FBXL22: variants seen among roughly 807,000 people sequenced by gnomAD.
FBXL22 encodes F-box and leucine-rich protein 22.
In FBXL22, 13 loss-of-function variants were observed where a neutral mutation model predicts 11.7. The ratio of observed to expected loss-of-function variants is 1.11; its 90% CI spans 0.73 to 1.77. The LOEUF (loss-of-function observed/expected upper bound fraction) is 1.77, where lower values mean the gene tolerates loss of function less well. FBXL22 is among the 40% of genes most tolerant of loss of function. The probability of loss-of-function intolerance (pLI) is 0.00; values close to 1 mark genes in which losing one functional copy is unlikely to be tolerated. For synonymous variants in FBXL22, 160 were observed against 144.1 expected (o/e 1.11, Z -0.79); for missense variants, 406 against 320.4 (o/e 1.27, Z -2.04).
In FBXL22 at chr15:63,597,425, G is replaced by A. The variant is rs1044460364; in HGVS notation, c.33G>A (p.Gln11=). Reference sequence around the variant, plus strand: ...CACTGCTCACCATGCACATAACCCAGCTCAACCGGGAGTGCCTGCTGCACC... The same window carrying A: ...CACTGCTCACCATGCACATAACCCAACTCAACCGGGAGTGCCTGCTGCACC... The part of the protein sequence containing the change: MWPLLTMHIT[Q]LNRECLLHLF... Residue 11 remains glutamine (Q), a synonymous_variant, in exon 1 of 2, where the codon CAG becomes CAA. Coordinates refer to ENST00000638704, the MANE Select transcript of FBXL22 (RefSeq NM_001367807.1). This position sits in a 1 kb window ranked among gnomAD's most constrained non-coding sequence, Gnocchi z 4.3. The A allele has an allele frequency of 3.3e-5, 54 of 1,613,090 alleles. No individual in the cohort carries two copies. Among genetic ancestry groups the A allele is most frequent in the Middle Eastern group, 1.6e-4 (1 of 6,080 alleles).
chr15:63,603,657 A>G (rs902545959), downstream of FBXL22, among the ~76,000 whole-genome samples: 1 of 152,248 alleles, frequency 6.6e-6, no homozygotes, highest in African/African-American at 2.4e-5. Context: ...ACAGGCAAGC[A>G]GCACCCTGTC....
chr15:63,600,363 T>A (rs1272845466), intron 1 of FBXL22: 5 of 1,100,834 alleles, frequency 4.5e-6, no homozygotes, highest in Non-Finnish European at 5.5e-6. Context: ...AAACAAAGAG[T>A]CAAGGGTTGT....
chr15:63,601,568 A>C (rs2067372841), downstream of FBXL22: 1 of 1,539,932 alleles, frequency 6.5e-7, no homozygotes. Context: ...GTGAAGCAGG[A>C]GGAGGGGAAG....
chr15:63,601,391 G>C, downstream of FBXL22: 4 of 1,600,688 alleles, frequency 2.5e-6, no homozygotes, highest in Non-Finnish European at 3.4e-6. Context: ...CGGTGGGGAG[G>C]ACCTGACCAC....
In FBXL22 at chr15:63,597,881, C is replaced by A; in HGVS notation, c.353+136C>A. On this transcript the variant is annotated intron_variant, in intron 1 of 1. Coordinates refer to ENST00000638704, the MANE Select transcript of FBXL22 (RefSeq NM_001367807.1). The surrounding 1 kb of genome is among the most constrained non-coding windows in gnomAD (Gnocchi z 4.3). The stretch of plus-strand genomic sequence containing the variant: ...CTCAAACTAGGCCCAAGGCAGACAT[C>A]CAGACCGCCCAAAGCAGGGTCCCCA... The A allele has an allele frequency of 1.3e-6, 1 of 743,594 alleles. No homozygotes were observed. Among genetic ancestry groups the A allele is most frequent in the Non-Finnish European group, 2.1e-6 (1 of 468,512 alleles). 46.1% of individuals were successfully genotyped at this position (743,594 alleles called of 1,614,324 possible).
downstream of FBXL22, chr15:63,601,829 A>C: frequency 8.4e-7 from 1 of 1,186,944 alleles, no homozygotes; most frequent in Non-Finnish European, 1.1e-6. Context: ...AACAAAAACA[A>C]AACCAGCAGC....
downstream of FBXL22, among the ~76,000 whole-genome samples, chr15:63,607,059 T>C (rs1223375936): frequency 3.1e-4 from 1 of 3,204 alleles, no homozygotes; most frequent in Non-Finnish European, 9.6e-4. Flanking sequence ...CACAGATGCT[T>C]TTTTTTTTTT....
chr15:63,600,762 G>T lies in FBXL22; in HGVS notation c.419G>T (p.Arg140Leu), dbSNP rs995060760. The T allele has an allele frequency of 4.1e-6, 5 of 1,231,324 alleles. No homozygotes were observed. The African/African-American group carries it at 4.7e-5, about 11-fold the overall frequency. 76.3% of individuals were successfully genotyped at this position (1,231,324 alleles called of 1,614,324 possible). A position where few individuals can be genotyped will look rare whatever the true frequency, so the allele number is the denominator to read the frequency against. The stretch of plus-strand genomic sequence containing the variant: ...CACGTTACCGACGACTGCCTGGCGC[G>T]CCTGCTGCGCTGCTGCCCACGCCTG... ...CGHVTDDCLA[R>L]LLRCCPRLRA... The change falls in exon 2 of 2, where the codon CGC becomes CTC. Residue 140 changes from arginine to leucine, a missense_variant. Transcript: ENST00000638704.
At chr15:63,599,993 G>A in intron 1 of FBXL22, 1 of 985,830 alleles carries the variant, frequency 1.0e-6, no homozygotes, top group Non-Finnish European at 1.2e-6. Flanking sequence ...TGCTGGGAGG[G>A]GCTGGTGAGG....
At chr15:63,599,702 C>T in intron 1 of FBXL22, 1 of 987,216 alleles carries the variant, frequency 1.0e-6, no homozygotes, top group Non-Finnish European at 1.2e-6. Flanking sequence ...GCGGGGGAGG[C>T]TGGCAGGGAA....
At chr15:63,605,497 T>C (rs1288963287), downstream of FBXL22, among the ~76,000 whole-genome samples, 4 of 152,206 alleles carry the variant, frequency 2.6e-5, no homozygotes, top group Non-Finnish European at 4.4e-5. Context: ...CAGGCACCCT[T>C]TGTGGCAGAC....
chr15:63,601,862 G>A (rs1393067630), downstream of FBXL22: 7 of 896,288 alleles, frequency 7.8e-6, no homozygotes, highest in Non-Finnish European at 1.1e-5. Flanking sequence ...TTTGATAATG[G>A]AACCATTATA....
chr15:63,599,814 C>A, intron 1 of FBXL22: 1 of 985,886 alleles, frequency 1.0e-6, no homozygotes, highest in African/African-American at 1.7e-5. Context: ...CAGGCTGGTC[C>A]CGTTTGTTTC....
At chr15:63,599,431 C>T (rs1306366622) in intron 1 of FBXL22, 2 of 1,354,612 alleles carry the variant, frequency 1.5e-6, no homozygotes, top group Non-Finnish European at 1.9e-6. Flanking sequence ...GAGGAAGTGA[C>T]GCCCAGCAAG....
chr15:63,605,228 A>C (rs2067407530), downstream of FBXL22, among the ~76,000 whole-genome samples: 1 of 152,218 alleles, frequency 6.6e-6, no homozygotes, highest in Non-Finnish European at 1.5e-5. Context: ...ACTCAGCCCT[A>C]GTTAGAAGAC....
rs2067363433 is a variant in FBXL22, at chr15:63,601,043, C to G, written c.*4C>G. On this transcript the variant is annotated 3_prime_UTR_variant, in exon 2 of 2. Transcript: ENST00000638704. Reference sequence around the variant, plus strand: ...CGGCAAGCTGCTGCAGCGCTAGACGCCGCCCCGCCGCTGCCCCCGGGGAAG... The same window carrying G: ...CGGCAAGCTGCTGCAGCGCTAGACGGCGCCCCGCCGCTGCCCCCGGGGAAG... 1.6e-6 allele frequency: 2 copies of G among 1,225,568 alleles called. No individual in the cohort carries two copies. The highest frequency in any genetic ancestry group is 1.0e-6 in the Non-Finnish European group (1 of 984,068). The allele number at this position is 1,225,568 out of a possible 1,614,324, so 75.9% of individuals were successfully genotyped here.
chr15:63,601,014 C>G lies in FBXL22; in HGVS notation c.671C>G (p.Ala224Gly), dbSNP rs2067362708. The G allele has an allele frequency of 4.1e-6, 5 of 1,205,178 alleles. No individual in the cohort carries two copies. The highest frequency in any genetic ancestry group is 5.1e-6 in the Non-Finnish European group (5 of 971,226). 74.7% of individuals were successfully genotyped at this position (1,205,178 alleles called of 1,614,324 possible). Residue 224 changes from alanine to glycine, a missense_variant, in exon 2 of 2, where the codon GCC becomes GGC. Coordinates refer to ENST00000638704, the MANE Select transcript of FBXL22 (RefSeq NM_001367807.1). ...QPPRPRAPAA[A>G]LGKLLQR ...CCGCGCCCGCGCGCGCCCGCCGCGG[C>G]CCTCGGCAAGCTGCTGCAGCGCTAG...
intron 1 of FBXL22, chr15:63,599,459 G>A: frequency 7.9e-7 from 1 of 1,266,274 alleles, no homozygotes; most frequent in East Asian, 3.3e-5. Flanking sequence ...CATCTGTCCT[G>A]GGTCTGACAG....
chr15:63,601,972 C>T (rs1219930826), downstream of FBXL22: 3 of 414,192 alleles, frequency 7.2e-6, no homozygotes, highest in African/African-American at 6.3e-5. Context: ...TGATGTGTCA[C>T]ATTTAGTGAA....
Sources: gnomAD v4.1 joint callset for allele counts (sites outside exome capture counted in the v4.1 genomes callset) on GRCh38, gnomAD v4.1.1 for gene constraint, Gnocchi (gnomAD v3.1) non-coding constraint, MANE v1.5 for transcripts, NCBI Gene and HGNC (gene_info 2026-07-23, HGNC 2026-07-21) for gene names.